PIK3C2G: variants seen among roughly 807,000 people sequenced by gnomAD.
PIK3C2G encodes phosphatidylinositol 3-kinase C2 domain-containing subunit gamma.
PIK3C2G carries 168 observed loss-of-function variants against 181.1 expected under a neutral mutation model. That is an observed-to-expected ratio of 0.93 (90% CI 0.82 to 1.05). The LOEUF (loss-of-function observed/expected upper bound fraction) is 1.05. Ranked by LOEUF, PIK3C2G falls within the 50% of genes least tolerant of loss-of-function variation. PIK3C2G has a pLI of 0.00. For synonymous variants in PIK3C2G, 573 were observed against 592.2 expected, an observed-to-expected ratio of 0.97 and a Z score of 0.47; for missense variants, 1,869 against 1,732.8, an observed-to-expected ratio of 1.08 and a Z score of -1.40.
intron 8 of PIK3C2G, among the ~76,000 whole-genome samples, chr12:18,327,154 G>A (rs952498763): frequency 2.6e-5 from 4 of 151,964 alleles, no homozygotes; most frequent in Non-Finnish European, 2.9e-5. Flanking sequence ...TTATAAATAG[G>A]TCACAGTGTA....
intron 16 of PIK3C2G, among the ~76,000 whole-genome samples, chr12:18,406,515 A>G (rs1438989876): frequency 6.6e-6 from 1 of 152,230 alleles, no homozygotes; most frequent in African/African-American, 2.4e-5. Context: ...GATAAAGGCA[A>G]AAAGATAGCT....
intron 9 of PIK3C2G, among the ~76,000 whole-genome samples, chr12:18,341,115 T>C (rs2137619386): frequency 6.6e-6 from 1 of 152,266 alleles, no homozygotes; most frequent in Non-Finnish European, 1.5e-5. Context: ...ACGAGGAAAA[T>C]ATAATTTTAG....
chr12:18,722,512 C>T, the PIK3C2G span, among the ~76,000 whole-genome samples: 17 of 152,010 alleles, frequency 1.1e-4, no homozygotes, highest in Non-Finnish European at 1.9e-4. Flanking sequence ...AACTTTCATA[C>T]GCCCCTCCTA....
chr12:18,666,255 C>T, the PIK3C2G span, among the ~76,000 whole-genome samples: 2 of 150,678 alleles, frequency 1.3e-5, no homozygotes, highest in Non-Finnish European at 2.9e-5. Context: ...TCTTTAATTT[C>T]ATTAAATATA....
intron 18 of PIK3C2G, among the ~76,000 whole-genome samples, chr12:18,464,281 A>G (rs1304843569): frequency 6.6e-6 from 1 of 152,050 alleles, no homozygotes; most frequent in African/African-American, 2.4e-5. Flanking sequence ...GAAAGAGAAA[A>G]CAGGCTCCCT....
the PIK3C2G span, chr12:18,694,783 A>C: frequency 1.3e-6 from 1 of 742,086 alleles, no homozygotes; most frequent in South Asian, 2.0e-5. Flanking sequence ...ACCCACATAT[A>C]GTACCTGAAA....
intron 12 of PIK3C2G, among the ~76,000 whole-genome samples, chr12:18,368,303 C>T (rs189082059): frequency 6.6e-6 from 1 of 152,118 alleles, no homozygotes; most frequent in Non-Finnish European, 1.5e-5. Context: ...ATACAACCTA[C>T]AATTTGCCAT....
the PIK3C2G span, among the ~76,000 whole-genome samples, chr12:18,668,946 A>G: frequency 3.9e-5 from 6 of 152,088 alleles, no homozygotes; most frequent in Admixed American, 3.3e-4. Flanking sequence ...GCAAGAAAAA[A>G]TCGTGAATAA....
intron 15 of PIK3C2G, among the ~76,000 whole-genome samples, chr12:18,397,150 A>G (rs1943941523): frequency 6.6e-6 from 1 of 151,978 alleles, no homozygotes; most frequent in African/African-American, 2.4e-5. Flanking sequence ...TATTTTTGAC[A>G]AGGCCACCCA....
At chr12:18,345,162 A>G (rs1939548690) in intron 10 of PIK3C2G, among the ~76,000 whole-genome samples, 1 of 152,190 alleles carries the variant, frequency 6.6e-6, no homozygotes, top group Admixed American at 6.5e-5. Context: ...TTGGAGATAA[A>G]GAAACAAGAT....
chr12:18,563,186 C>T (rs1945438902), intron 27 of PIK3C2G, among the ~76,000 whole-genome samples, 191 bp from the exon 28 acceptor site: 1 of 152,116 alleles, frequency 6.6e-6, no homozygotes, highest in Non-Finnish European at 1.5e-5. Flanking sequence ...CTGTTCCTAG[C>T]ACATACAATT....
intron 14 of PIK3C2G, among the ~76,000 whole-genome samples, chr12:18,387,492 T>A (rs1943249269): frequency 6.6e-6 from 1 of 152,170 alleles, no homozygotes. Flanking sequence ...TATGTGAATT[T>A]ATGAATACTG....
intron 31 of PIK3C2G, among the ~76,000 whole-genome samples, chr12:18,619,357 T>TA (rs1320581917): frequency 5.3e-5 from 8 of 151,834 alleles, no homozygotes; most frequent in African/African-American, 9.7e-5. Context: ...CATATTCTAA[T>TA]AAAAAAACAC....
upstream of PIK3C2G, among the ~76,000 whole-genome samples, chr12:18,246,906 AT>A (rs1484542045): frequency 6.6e-6 from 1 of 152,164 alleles, no homozygotes; most frequent in Non-Finnish European, 1.5e-5. Context: ...TCATTTAAAT[AT>A]TTAATGGCAA....
intron 18 of PIK3C2G, chr12:18,424,758 TC>T (rs1218406626): frequency 1.4e-5 from 3 of 209,536 alleles, no homozygotes; most frequent in Admixed American, 8.8e-5. Context: ...TAGAAGAAGT[TC>T]AAGGACCTGG....
the PIK3C2G span, chr12:18,701,502 T>C: frequency 6.2e-7 from 1 of 1,614,100 alleles, no homozygotes; most frequent in Non-Finnish European, 8.5e-7. Context: ...CCACCTCACC[T>C]TCTTTTTCTT....
intron 29 of PIK3C2G, among the ~76,000 whole-genome samples, chr12:18,583,282 G>A (rs1350854725): frequency 6.6e-6 from 1 of 152,124 alleles, no homozygotes; most frequent in East Asian, 1.9e-4. Context: ...CTTCACTGTA[G>A]GTGCTGAAAA....
In PIK3C2G at chr12:18,536,073, A is replaced by G. The variant is rs369554252; in HGVS notation, c.3324-2083A>G. On this transcript the variant is annotated intron_variant, in intron 24 of 32. Transcript: ENST00000538779. ...ATGTATACATATGTAACAAATCTGC[A>G]TGTTGTGCACATGTACCCTAAAACT... is the stretch of plus-strand genomic sequence containing the variant. Among the ~76,000 whole-genome samples the G allele has an allele frequency of 1.8e-4, 28 of 152,248 alleles. No individual in the cohort carries two copies. In the East Asian group the frequency reaches 5.4e-3, roughly 29 times the overall value.
chr12:18,296,613 T>A (rs1158706191), intron 5 of PIK3C2G, among the ~76,000 whole-genome samples: 2 of 152,140 alleles, frequency 1.3e-5, no homozygotes, highest in Non-Finnish European at 2.9e-5. Flanking sequence ...AAAATTTCCC[T>A]TTTCATATAT....
Sources: gnomAD v4.1 joint callset for allele counts (sites outside exome capture counted in the v4.1 genomes callset) on GRCh38, gnomAD v4.1.1 for gene constraint, MANE v1.5 for transcripts, NCBI Gene and HGNC (gene_info 2026-07-23, HGNC 2026-07-21) for gene names.